The following LNX1 variants were observed in gnomAD, a reference collection of about 807,000 sequenced individuals.
LNX1 encodes ligand of numb-protein X 1.
LNX1 carries 54 observed loss-of-function variants against 68.4 expected under a neutral mutation model. The ratio of observed to expected loss-of-function variants is 0.79; its 90% CI spans 0.63 to 0.99. LNX1 has a LOEUF of 0.99. LNX1 is among the 50% of genes least tolerant of loss of function. The probability of loss-of-function intolerance (pLI) is 0.00; values close to 1 mark genes in which losing one functional copy is unlikely to be tolerated. For missense variants in LNX1, 906 were observed against 926.4 expected, an observed-to-expected ratio of 0.98 and a Z score of 0.29; for synonymous variants, 336 against 350.0, an observed-to-expected ratio of 0.96 and a Z score of 0.45.
chr4:53,545,139 A>G (rs1215431748), intron 2 of LNX1, among the ~76,000 whole-genome samples: 1 of 152,218 alleles, frequency 6.6e-6, no homozygotes, highest in Non-Finnish European at 1.5e-5. Context: ...GCAGCCAAAA[A>G]TATTTCTGAC....
chr4:53,491,290 T>A (rs13150384), intron 6 of LNX1, among the ~76,000 whole-genome samples: 58,554 of 151,604 alleles, frequency 0.39, 11,779 homozygotes, highest in South Asian at 0.59. Flanking sequence ...AAAAAAAATC[T>A]TGCTAAGAAT....
chr4:53,646,821 G>A lies in LNX1; in HGVS notation c.-215+5347C>T, dbSNP rs139274061. On this transcript the variant is annotated intron_variant, in intron 1 of 2. Transcript: ENST00000507168. ...AAATGAAAACAGACATCTGTTTCAC[G>A]TTTTACAAAGCATTGCCACCCACTG... is the stretch of plus-strand genomic sequence containing the variant. 3.6e-3 allele frequency among the ~76,000 whole-genome samples: 541 copies of A among 152,208 alleles called. 3 individuals carry two copies. The highest frequency in any genetic ancestry group is 0.012 in the African/African-American group (506 of 41,546).
intron 4 of LNX1, among the ~76,000 whole-genome samples, chr4:53,506,139 C>T (rs535093140): frequency 4.6e-5 from 7 of 152,308 alleles, no homozygotes; most frequent in African/African-American, 1.7e-4. Context: ...AGAGAGTAGG[C>T]TCTGGAACCA....
At chr4:53,634,417 G>T (rs1404814975) in intron 1 of LNX1, among the ~76,000 whole-genome samples, 1 of 151,954 alleles carries the variant, frequency 6.6e-6, no homozygotes, top group Non-Finnish European at 1.5e-5. Context: ...CTAACTTTTT[G>T]TATTTTAGTA....
At chr4:53,516,196 T>TG (rs1231143496) in intron 2 of LNX1, among the ~76,000 whole-genome samples, 1 of 152,144 alleles carries the variant, frequency 6.6e-6, no homozygotes, top group Non-Finnish European at 1.5e-5. Context: ...AGGCCATGAC[T>TG]GGGCTACTGC....
Position 53,460,956 on chromosome 4 carries a change from T to G in LNX1, c.2138A>C (p.Lys713Thr). The G allele has an allele frequency of 1.2e-6, 2 of 1,611,204 alleles. No individual in the cohort carries two copies. The highest frequency in any genetic ancestry group is 1.7e-6 in the Non-Finnish European group (2 of 1,178,684). ...AACAATAGTTAGAGTAATTCTTCCTTTAAGTTCTTTCAGCAGTCTTGCCAA... is the reference window on the plus strand; with the variant it reads ...AACAATAGTTAGAGTAATTCTTCCTGTAAGTTCTTTCAGCAGTCTTGCCAA... Reference protein sequence around the residue: ...ACLARLLKELKGRITLTIVSW... With the variant: ...ACLARLLKELTGRITLTIVSW... Residue 713 changes from lysine (K) to threonine (T), a missense_variant, in exon 11 of 11, where the codon AAA becomes ACA. Coordinates refer to ENST00000263925, the MANE Select transcript of LNX1 (RefSeq NM_001126328.3).
At chr4:53,573,186 A>G (rs1310507882) in intron 2 of LNX1, among the ~76,000 whole-genome samples, 1 of 152,212 alleles carries the variant, frequency 6.6e-6, no homozygotes, top group Non-Finnish European at 1.5e-5. Flanking sequence ...CACTTAGAGC[A>G]GTCATATCCA....
intron 2 of LNX1, among the ~76,000 whole-genome samples, chr4:53,572,961 A>T (rs1404070290): frequency 6.6e-6 from 1 of 152,234 alleles, no homozygotes; most frequent in Non-Finnish European, 1.5e-5. Context: ...TCCAATACAG[A>T]GGAAATTCTA....
chr4:53,540,370 G>C (rs1728665910), intron 2 of LNX1, among the ~76,000 whole-genome samples: 1 of 148,660 alleles, frequency 6.7e-6, no homozygotes, highest in African/African-American at 2.5e-5. Context: ...GTGAGAGTGA[G>C]ACCCTGTCCC....
At chr4:53,497,537 G>C (rs1352312971) in intron 5 of LNX1, among the ~76,000 whole-genome samples, 1 of 152,222 alleles carries the variant, frequency 6.6e-6, no homozygotes, top group Non-Finnish European at 1.5e-5. Context: ...GCAGGGCCGG[G>C]TTCCCCCATC....
At chr4:53,626,581 C>T (rs753017104) in intron 1 of LNX1, among the ~76,000 whole-genome samples, 2 of 152,168 alleles carry the variant, frequency 1.3e-5, no homozygotes, top group African/African-American at 2.4e-5. Context: ...TAGAGAACAG[C>T]TTAGCAGGGC....
chr4:53,576,168 TG>T, intron 1 of LNX1: 1 of 1,574,434 alleles, frequency 6.4e-7, no homozygotes, highest in South Asian at 1.2e-5. Context: ...TGCCCCATGT[TG>T]CTGACTTTCA....
At chr4:53,527,415 A>G (rs1367648242) in intron 2 of LNX1, among the ~76,000 whole-genome samples, 1 of 152,136 alleles carries the variant, frequency 6.6e-6, no homozygotes, top group Non-Finnish European at 1.5e-5. Context: ...TCCTTCTGAG[A>G]GTGAGTTTGC....
intron 1 of LNX1, among the ~76,000 whole-genome samples, chr4:53,634,741 G>C (rs1003214077): frequency 7.2e-5 from 11 of 152,056 alleles, no homozygotes; most frequent in Admixed American, 7.2e-4. Context: ...ACTGCTCCGA[G>C]GGGTGGCGGT....
At chr4:53,639,195 G>A (rs1476029099) in intron 1 of LNX1, among the ~76,000 whole-genome samples, 2 of 152,178 alleles carry the variant, frequency 1.3e-5, no homozygotes, top group Non-Finnish European at 2.9e-5. Context: ...CATGCATGCA[G>A]CTGGAGGCCA....
At chr4:53,493,576 T>C (rs6822201) in intron 6 of LNX1, among the ~76,000 whole-genome samples, 62,508 of 151,684 alleles carry the variant, frequency 0.41, 13,593 homozygotes, top group South Asian at 0.59. Context: ...GTGCAGAGAG[T>C]TGCCAGCACC....
rs1553927414 is a variant in LNX1 at position 53,459,937 on chromosome 4, C to CAA, written c.*968_*969dup. On this transcript the variant is annotated 3_prime_UTR_variant, in exon 11 of 11. Transcript: ENST00000263925. ...AGAGACTCATACATTTTTGATATCACAACTTTTTGATGGCTTTTCAATATT... is the reference window on the plus strand; with the variant it reads ...AGAGACTCATACATTTTTGATATCACAAAACTTTTTGATGGCTTTTCAATATT... 2 of 217,674 alleles carry CAA rather than the reference C, an allele frequency of 9.2e-6. No individual in the cohort carries two copies. Among genetic ancestry groups the CAA allele is most frequent in the Non-Finnish European group, 1.8e-5 (2 of 108,298 alleles). 13.5% of individuals were successfully genotyped at this position (217,674 alleles called of 1,614,324 possible). A position where few individuals can be genotyped will look rare whatever the true frequency, so the allele number is the denominator to read the frequency against.
upstream of LNX1, among the ~76,000 whole-genome samples, chr4:53,595,063 A>G (rs1320793039): frequency 6.6e-6 from 1 of 152,214 alleles, no homozygotes; most frequent in Non-Finnish European, 1.5e-5. Context: ...CTGATCAGGA[A>G]GCAAAAATAT....
chr4:53,602,275 T>C (rs1351030965), intron 2 of LNX1, among the ~76,000 whole-genome samples: 8 of 152,096 alleles, frequency 5.3e-5, no homozygotes, highest in Middle Eastern at 3.2e-3. Flanking sequence ...TGCAGGGACT[T>C]GATTAGGGAA....
Sources: allele counts gnomAD v4.1 joint callset (sites outside exome capture counted in the v4.1 genomes callset), GRCh38; gene constraint gnomAD v4.1.1; transcripts MANE v1.5; gene names NCBI Gene and HGNC (gene_info 2026-07-23, HGNC 2026-07-21).